Variants in PHACTR2 observed in about 807,000 individuals in gnomAD.
PHACTR2 encodes phosphatase and actin regulator 2, also known as chromosome 6 open reading frame 56.
PHACTR2 carries 30 observed loss-of-function variants against 76.0 expected under a neutral mutation model. The observed-to-expected ratio is 0.39, with a 90% confidence interval of 0.30 to 0.54. The LOEUF (loss-of-function observed/expected upper bound fraction) is 0.54. Among genes scored for constraint, PHACTR2 ranks in the 20% least tolerant of loss-of-function variants. The pLI is 0.61. For missense variants in PHACTR2, 696 were observed against 781.1 expected (o/e 0.89, Z 1.30); for synonymous variants, 292 against 292.5 (o/e 1.00, Z 0.02).
Position 143,537,439 on chromosome 6 carries a change from C to T in PHACTR2, c.217+232C>T, listed in dbSNP as rs1251721165. 1.3e-5 allele frequency among the ~76,000 whole-genome samples: 2 copies of T among 152,140 alleles called. No individual in the cohort carries two copies. Among genetic ancestry groups the T allele is most frequent in the Admixed American group, 1.3e-4 (2 of 15,288 alleles). On this transcript the variant is annotated intron_variant, in intron 1 of 11. Coordinates refer to the PHACTR2 transcript ENST00000367584. This position sits in a 1 kb window ranked among gnomAD's most constrained non-coding sequence, Gnocchi z 4.4. ...GCTAAAAGCAGGCGACGGCTTGGTG[C>T]GCCTTGCGGGGCGAGTGTGCAGCCT...
At chr6:143,675,222 T>C (rs1416282499), upstream of PHACTR2, among the ~76,000 whole-genome samples, 1 of 152,262 alleles carries the variant, frequency 6.6e-6, no homozygotes, top group African/African-American at 2.4e-5. This position sits in a 1 kb window ranked among gnomAD's most constrained non-coding sequence, Gnocchi z 4.9. Context: ...ACAGTAGTTC[T>C]TTCAGAGCTT....
intron 2 of PHACTR2, 129 bp from the exon 3 acceptor site, chr6:143,748,855 TA>T (rs1260506578): frequency 5.9e-6 from 3 of 504,692 alleles, no homozygotes; most frequent in Non-Finnish European, 1.1e-5. Flanking sequence ...GTGTTTTTTT[TA>T]AGCAACTAAG....
chr6:143,686,333 A>T (rs1334897153), intron 1 of PHACTR2, among the ~76,000 whole-genome samples: 1 of 152,202 alleles, frequency 6.6e-6, no homozygotes, highest in Non-Finnish European at 1.5e-5. Flanking sequence ...CCATTTAAAA[A>T]TGATGTAAAA....
chr6:143,633,400 C>T lies in PHACTR2; in HGVS notation c.13+25078C>T, dbSNP rs555746377. Among the ~76,000 whole-genome samples, 1 of 152,338 alleles carries T rather than the reference C, an allele frequency of 6.6e-6. No homozygotes were observed. Among genetic ancestry groups the T allele is most frequent in the South Asian group, 2.1e-4 (1 of 4,824 alleles). ...TCATATGCTCACTTGCCTTTTCCAC[C>T]TGTATATCTTCTTTGGTGAGGTCTT... On this transcript the variant is annotated intron_variant, in intron 1 of 11. Transcript: ENST00000305766. This position sits in a 1 kb window ranked among gnomAD's most constrained non-coding sequence, Gnocchi z 4.1.
At chr6:143,612,138 T>C (rs9496701) in intron 1 of PHACTR2, among the ~76,000 whole-genome samples, 8,814 of 152,214 alleles carry the variant, frequency 0.058, 709 homozygotes, top group African/African-American at 0.18. Context: ...GATTCCTGCC[T>C]CCTCTCCCTC....
rs1040382393 is a variant in PHACTR2, at chr6:143,780,288, G to C, written c.1645+2905G>C. Among the ~76,000 whole-genome samples, 1 of 151,906 alleles carries C rather than the reference G, an allele frequency of 6.6e-6. No homozygotes were observed. The highest frequency in any genetic ancestry group is 2.4e-5 in the African/African-American group (1 of 41,340). ...TCCAGCTTTTTTTAATGCACTTTAA[G>C]TTTATGTGTGTCTTTTTCATTTGCT... On this transcript the variant is annotated intron_variant, in intron 9 of 12. Coordinates refer to ENST00000440869, the MANE Select transcript of PHACTR2 (RefSeq NM_001100164.2). The surrounding 1 kb of genome is among the most constrained non-coding windows in gnomAD (Gnocchi z 4.4).
At position 143,693,181 on chromosome 6, in the gene PHACTR2, C is replaced by T. The variant is rs116692877; in HGVS notation, c.46+14972C>T. Among the ~76,000 whole-genome samples the T allele has an allele frequency of 8.7e-3, 1,320 of 152,216 alleles. 24 individuals are homozygous for T. The highest frequency in any genetic ancestry group is 0.03 in the African/African-American group (1,227 of 41,520). ...GAGGTACTGGGAGTTAAGACTTTAA[C>T]GTATGAATTTTGAGGGACACAATTC... is the stretch of plus-strand genomic sequence containing the variant. On this transcript the variant is annotated intron_variant, in intron 1 of 12. Transcript: ENST00000440869.
At chr6:143,564,988 G>A (rs9376756) in intron 1 of PHACTR2, among the ~76,000 whole-genome samples, 90,110 of 151,658 alleles carry the variant, frequency 0.59, 27,215 homozygotes, top group Middle Eastern at 0.72. Context: ...TAAAATGGTG[G>A]TATAAAACAT....
At position 143,795,809 on chromosome 6, in the gene PHACTR2, A is replaced by G. The variant is rs1043593819; in HGVS notation, c.1845+6899A>G. On this transcript the variant is annotated intron_variant, in intron 11 of 12. Coordinates refer to ENST00000440869, the MANE Select transcript of PHACTR2 (RefSeq NM_001100164.2). This position sits in a 1 kb window ranked among gnomAD's most constrained non-coding sequence, Gnocchi z 4.8. The stretch of plus-strand genomic sequence containing the variant: ...TATATCTATCTTGAGAATTAGGTAG[A>G]ATATCTCTAGAATTCCTGCTTGTCA... Among the ~76,000 whole-genome samples, 2 of 152,242 alleles carry G rather than the reference A, an allele frequency of 1.3e-5. No homozygotes were observed. Among genetic ancestry groups the G allele is most frequent in the African/African-American group, 4.8e-5 (2 of 41,462 alleles).
Position 143,591,655 on chromosome 6 carries a change from AG to A in PHACTR2, c.217+54450del, listed in dbSNP as rs1775693687. On this transcript the variant is annotated intron_variant, in intron 1 of 11. Transcript: ENST00000367584. This position sits in a 1 kb window ranked among gnomAD's most constrained non-coding sequence, Gnocchi z 6.4. ...GGGCTGTGAAGGCCAAATGGAATTG[AG>A]GACATCTCAGAGAATTCCAGTGGCG... Among the ~76,000 whole-genome samples the A allele has an allele frequency of 6.6e-6, 1 of 152,242 alleles. No homozygotes were observed. Among genetic ancestry groups the A allele is most frequent in the African/African-American group, 2.4e-5 (1 of 41,456 alleles).
Position 143,678,043 on chromosome 6 carries a change from CCGGCGGGCCGCT to C in PHACTR2, c.-116_-105del. ...CGCGCGGGGTAGAAGGTGAGGGGAC[CCGGCGGGCCGCT>C]CGGCACAGGCCGGGACATGAACGCC... is the stretch of plus-strand genomic sequence containing the variant. On this transcript the variant is annotated 5_prime_UTR_variant, in exon 1 of 13. Coordinates refer to ENST00000440869, the MANE Select transcript of PHACTR2 (RefSeq NM_001100164.2). This position sits in a 1 kb window ranked among gnomAD's most constrained non-coding sequence, Gnocchi z 6.2. 6.6e-7 allele frequency: 1 copy of C among 1,522,006 alleles called. No individual in the cohort carries two copies. The highest frequency in any genetic ancestry group is 2.0e-5 in the Admixed American group (1 of 49,442). The allele number at this position is 1,522,006 out of a possible 1,614,324, so 94.3% of individuals were successfully genotyped here.
chr6:143,735,535 C>T (rs1299359311), intron 2 of PHACTR2, among the ~76,000 whole-genome samples: 1 of 152,116 alleles, frequency 6.6e-6, no homozygotes, highest in Non-Finnish European at 1.5e-5. Context: ...AACAGACCTC[C>T]CGAACTTTTT....
At chr6:143,732,924 C>T (rs1778734074) in intron 2 of PHACTR2, among the ~76,000 whole-genome samples, 1 of 152,062 alleles carries the variant, frequency 6.6e-6, no homozygotes, top group African/African-American at 2.4e-5. Context: ...GGGTCTTGCT[C>T]ATTCACCCAT....
At chr6:143,645,005 A>G (rs375659951) in intron 1 of PHACTR2, among the ~76,000 whole-genome samples, 3 of 151,054 alleles carry the variant, frequency 2.0e-5, no homozygotes, top group Non-Finnish European at 2.9e-5. Context: ...CCCAAAGTCA[A>G]TTGTGTCATT....
intron 1 of PHACTR2, among the ~76,000 whole-genome samples, chr6:143,582,842 G>T (rs749959241): frequency 1.3e-5 from 2 of 152,160 alleles, no homozygotes; most frequent in Non-Finnish European, 2.9e-5. Context: ...GTATTTGGCA[G>T]CAGAAAAAGG....
chr6:143,545,875 C>T (rs573145702), intron 1 of PHACTR2, among the ~76,000 whole-genome samples: 6 of 152,290 alleles, frequency 3.9e-5, no homozygotes, highest in Middle Eastern at 6.8e-3. Context: ...CTTTAAGGTG[C>T]ATTCAACACC....
rs563737243 is a variant in PHACTR2 at position 143,624,025 on chromosome 6, C to T, written c.13+15703C>T. ...CCTCCCCACCCACTCCCCACCCTGC[C>T]CCAGTGTAAGCTATTATTGAACTTG... On this transcript the variant is annotated intron_variant, in intron 1 of 11. Coordinates refer to the PHACTR2 transcript ENST00000305766. The surrounding 1 kb of genome is among the most constrained non-coding windows in gnomAD (Gnocchi z 4.6). Among the ~76,000 whole-genome samples, 1 of 152,218 alleles carries T rather than the reference C, an allele frequency of 6.6e-6. No homozygotes were observed. Among genetic ancestry groups the T allele is most frequent in the South Asian group, 2.1e-4 (1 of 4,818 alleles).
rs1240545733 is a variant in PHACTR2 at position 143,825,054 on chromosome 6, A to G, written c.*1365A>G. 3.3e-5 allele frequency: 5 copies of G among 152,780 alleles called. 1 individual carries two copies. The East Asian group carries it at 9.6e-4, about 29-fold the overall frequency. The allele number at this position is 152,780 out of a possible 1,614,324, so 9.5% of individuals were successfully genotyped here. On this transcript the variant is annotated 3_prime_UTR_variant, in exon 13 of 13. Transcript: ENST00000440869. The surrounding 1 kb of genome is among the most constrained non-coding windows in gnomAD (Gnocchi z 4.1). ...TTTTCCATGGAGTCACAGGCACACT[A>G]TGACTTCTGCTCCCAAATACATATG...
intron 1 of PHACTR2, among the ~76,000 whole-genome samples, chr6:143,666,149 G>A (rs1777030893): frequency 6.6e-6 from 1 of 151,832 alleles, no homozygotes; most frequent in African/African-American, 2.4e-5. Context: ...GTTCCTGTGT[G>A]AATTTGCTGA....
Sources: gnomAD v4.1 joint callset for allele counts (sites outside exome capture counted in the v4.1 genomes callset) on GRCh38, gnomAD v4.1.1 for gene constraint, Gnocchi (gnomAD v3.1) non-coding constraint, MANE v1.5 for transcripts, NCBI Gene and HGNC (gene_info 2026-07-23, HGNC 2026-07-21) for gene names.